LRRIQ1: variants seen among roughly 807,000 people sequenced by gnomAD.
LRRIQ1 encodes leucine-rich repeat- and IQ domain-containing protein 1.
A neutral mutation model predicts 211.9 loss-of-function variants in LRRIQ1; 210 were observed. The ratio of observed to expected loss-of-function variants is 0.99; its 90% confidence interval spans 0.89 to 1.11. The LOEUF (loss-of-function observed/expected upper bound fraction) is 1.11, where lower values mean the gene tolerates loss of function less well. Among genes scored for constraint, LRRIQ1 ranks in the 50% most tolerant of loss-of-function variants. The pLI is 0.00. For synonymous variants in LRRIQ1, 699 were observed against 650.1 expected (o/e 1.08, Z -1.14); for missense variants, 2,136 against 1,939.5 (o/e 1.10, Z -1.90).
At chr12:85,043,804 A>G (rs1879200861) in intron 3 of LRRIQ1, among the ~76,000 whole-genome samples, 1 of 152,144 alleles carries the variant, frequency 6.6e-6, no homozygotes, top group Non-Finnish European at 1.5e-5. Flanking sequence ...GCTATACTTA[A>G]GAAGTTCAGA....
intron 15 of LRRIQ1, among the ~76,000 whole-genome samples, chr12:85,109,103 A>G (rs573459607): frequency 1.3e-5 from 2 of 152,286 alleles, no homozygotes; most frequent in Admixed American, 1.3e-4. Context: ...TCAGAGGAGT[A>G]TAAGATATAT....
chr12:85,085,730 G>A (rs1225108727), intron 11 of LRRIQ1, among the ~76,000 whole-genome samples: 1 of 152,068 alleles, frequency 6.6e-6, no homozygotes, highest in Non-Finnish European at 1.5e-5. Context: ...TAGGATAATG[G>A]TCATCAGCTG....
intron 11 of LRRIQ1, among the ~76,000 whole-genome samples, chr12:85,079,244 CTTTTTT>C (rs3058476): frequency 6.8e-5 from 7 of 103,578 alleles, no homozygotes; most frequent in Admixed American, 3.1e-4. Context: ...GTATCTTTAT[CTTTTTT>C]TTTTTTTTTT....
intron 1 of LRRIQ1, among the ~76,000 whole-genome samples, chr12:85,259,817 CTG>C (rs1175390551): frequency 6.6e-6 from 1 of 151,920 alleles, no homozygotes; most frequent in African/African-American, 2.4e-5. Context: ...AGTTTACAAA[CTG>C]TTTTTAAAAT....
In LRRIQ1 at chr12:85,179,600, T is replaced by C. The variant is rs534854279; in HGVS notation, c.4822+18886T>C. Among the ~76,000 whole-genome samples the C allele has an allele frequency of 9.2e-5, 14 of 152,094 alleles. No individual in the cohort carries two copies. In the East Asian group the frequency reaches 2.5e-3, roughly 27 times the overall value. Reference sequence around the variant, plus strand: ...ACTTTCCTCCCCATCTCCTGAAATATTCACTAATTATACTAAAATAGTTCA... The same window carrying C: ...ACTTTCCTCCCCATCTCCTGAAATACTCACTAATTATACTAAAATAGTTCA... On this transcript the variant is annotated intron_variant, in intron 24 of 26. Coordinates refer to ENST00000393217, the MANE Select transcript of LRRIQ1 (RefSeq NM_001079910.2).
At chr12:85,151,936 TG>T (rs1439082734) in intron 19 of LRRIQ1, among the ~76,000 whole-genome samples, 1 of 151,650 alleles carries the variant, frequency 6.6e-6, no homozygotes, top group Non-Finnish European at 1.5e-5. Context: ...ATGTCTGTAG[TG>T]TAAGAGCTAA....
chr12:85,142,520 G>C (rs1193765682), intron 19 of LRRIQ1, among the ~76,000 whole-genome samples: 3 of 151,412 alleles, frequency 2.0e-5, no homozygotes, highest in Admixed American at 6.6e-5. Flanking sequence ...TCTGTTGTTA[G>C]CTATAGCCAT....
At chr12:85,094,418 C>T (rs183295276) in intron 11 of LRRIQ1, among the ~76,000 whole-genome samples, 9 of 152,122 alleles carry the variant, frequency 5.9e-5, no homozygotes, top group East Asian at 1.9e-4. Context: ...ACCATGAAAC[C>T]GGTCACTGGT....
At chr12:85,198,108 T>TATATATA (rs1210019825) in intron 24 of LRRIQ1, among the ~76,000 whole-genome samples, 2 of 119,844 alleles carry the variant, frequency 1.7e-5, no homozygotes, top group African/African-American at 3.3e-5. Flanking sequence ...TTATATTATT[T>TATATATA]ATATATAATA....
At chr12:85,156,650 TA>T (rs1890564040) in intron 23 of LRRIQ1, among the ~76,000 whole-genome samples, 1 of 151,900 alleles carries the variant, frequency 6.6e-6, no homozygotes, top group African/African-American at 2.4e-5. Flanking sequence ...AACAATGTTT[TA>T]AATATCTAAA....
Position 85,127,902 on chromosome 12 carries a change from A to G in LRRIQ1, c.4078A>G (p.Arg1360Gly). The G allele has an allele frequency of 6.2e-7, 1 of 1,614,076 alleles. No homozygotes were observed. The highest frequency in any genetic ancestry group is 8.5e-7 in the Non-Finnish European group (1 of 1,180,008). ...GCGCAGACAGACTCATTTCTCCACA[A>G]GGCTACATACTGCTGCAACAGAAGG... ...LMRRQTHFST[R>G]LHTAATEGLP... Residue 1360 changes from arginine (R) to glycine (G), a missense_variant, in exon 18 of 27, where the codon AGG becomes GGG. Physicochemically the swap from Arg to Gly is moderately radical, Grantham distance 125. Coordinates refer to ENST00000393217, the MANE Select transcript of LRRIQ1 (RefSeq NM_001079910.2).
At chr12:85,270,302 A>G in the LRRIQ1 span, among the ~76,000 whole-genome samples, 5 of 152,122 alleles carry the variant, frequency 3.3e-5, no homozygotes, top group African/African-American at 1.2e-4. Flanking sequence ...TTTAGGTTAT[A>G]CAGATTGTTA....
chr12:85,063,819 C>T (rs982868259), intron 8 of LRRIQ1, among the ~76,000 whole-genome samples: 3 of 151,616 alleles, frequency 2.0e-5, no homozygotes, highest in African/African-American at 7.3e-5. Context: ...TGGTTTATTT[C>T]ACTTAATGAC....
intron 11 of LRRIQ1, among the ~76,000 whole-genome samples, chr12:85,079,569 AG>A (rs1884051938): frequency 6.6e-6 from 1 of 151,768 alleles, no homozygotes; most frequent in Non-Finnish European, 1.5e-5. Context: ...TTTTGTTTCC[AG>A]TTTGTCTCTT....
At chr12:85,074,411 C>T (rs1024880516) in intron 11 of LRRIQ1, among the ~76,000 whole-genome samples, 1 of 151,922 alleles carries the variant, frequency 6.6e-6, no homozygotes, top group South Asian at 2.1e-4. Context: ...AATGGGGTAT[C>T]TATCCCCTCA....
At chr12:85,255,820 G>GA (rs1376072965) in intron 1 of LRRIQ1, among the ~76,000 whole-genome samples, 1 of 151,512 alleles carries the variant, frequency 6.6e-6, no homozygotes, top group African/African-American at 2.4e-5. Flanking sequence ...ATTAATTACA[G>GA]AAAAACATTA....
chr12:85,073,682 A>C (rs896829398), intron 11 of LRRIQ1, among the ~76,000 whole-genome samples: 6 of 152,100 alleles, frequency 3.9e-5, no homozygotes, highest in African/African-American at 1.2e-4. Flanking sequence ...CTGTGCATGC[A>C]GTACAGAGCA....
chr12:85,162,822 A>G, intron 24 of LRRIQ1: 1 of 455,826 alleles, frequency 2.2e-6, no homozygotes, highest in Middle Eastern at 3.3e-4. Flanking sequence ...GCATTTCATT[A>G]ATTTCACTGA....
chr12:85,098,722 C>T (rs772203677), intron 12 of LRRIQ1, 145 bp from the exon 13 acceptor site: 8 of 683,470 alleles, frequency 1.2e-5, no homozygotes, highest in Non-Finnish European at 1.8e-5. Flanking sequence ...AAATTTTATT[C>T]ATATTTAAAA....
Sources: gnomAD v4.1 joint callset for allele counts (sites outside exome capture counted in the v4.1 genomes callset) on GRCh38, gnomAD v4.1.1 for gene constraint, MANE v1.5 for transcripts, NCBI Gene and HGNC (gene_info 2026-07-23, HGNC 2026-07-21) for gene names.